LAT2: variants seen among roughly 807,000 people sequenced by gnomAD.
The protein encoded by LAT2 is linker for activation of T cells family member 2, also known as linker for activation of T-cells family member 2.
A neutral mutation model predicts 43.4 loss-of-function variants in LAT2; 23 were observed. The observed-to-expected ratio is 0.53, with a 90% CI of 0.38 to 0.75. LAT2 has a LOEUF of 0.75. LAT2 is among the 30% of genes least tolerant of loss of function. The probability of loss-of-function intolerance (pLI) is 0.00; values close to 1 mark genes in which losing one functional copy is unlikely to be tolerated. For synonymous variants in LAT2, 128 were observed against 123.2 expected (o/e 1.04, Z -0.26); for missense variants, 284 against 310.2 (o/e 0.92, Z 0.64).
At chr7:74,211,037 C>T (rs1050392050) in intron 1 of LAT2, among the ~76,000 whole-genome samples, 1 of 152,146 alleles carries the variant, frequency 6.6e-6, no homozygotes, top group Non-Finnish European at 1.5e-5. Flanking sequence ...CCGAAGCCAG[C>T]TCTTGGCAAT....
chr7:74,214,040 G>GTGTA (rs1554713579), intron 1 of LAT2, among the ~76,000 whole-genome samples: 2 of 106,338 alleles, frequency 1.9e-5, no homozygotes, highest in African/African-American at 8.3e-5. Flanking sequence ...CCATATATAT[G>GTGTA]TATATATATA....
chr7:74,212,953 G>A (rs1303258986), intron 1 of LAT2, among the ~76,000 whole-genome samples: 2 of 152,136 alleles, frequency 1.3e-5, no homozygotes, highest in Admixed American at 1.3e-4. Flanking sequence ...GCTCAGGGCC[G>A]CATGGAGATT....
chr7:74,221,275 C>T (rs1267954473), intron 9 of LAT2, among the ~76,000 whole-genome samples: 1 of 151,962 alleles, frequency 6.6e-6, no homozygotes. Flanking sequence ...ATTAGCCAGG[C>T]ATGGTGGTGC....
In LAT2 at chr7:74,220,354, GGC is replaced by G; in HGVS notation, c.265+101_265+102del. On this transcript the variant is annotated intron_variant, in intron 7 of 13. Transcript: ENST00000460943. The surrounding 1 kb of genome is among the most constrained non-coding windows in gnomAD (Gnocchi z 4.5). Reference sequence around the variant, plus strand: ...AGGCGTCGTGCAGTGGGGGCTGCGGGGCCAGGCGAGGCCTCCCCAGGAGAGAC... The same window carrying G: ...AGGCGTCGTGCAGTGGGGGCTGCGGGCAGGCGAGGCCTCCCCAGGAGAGAC... 1 of 1,359,234 alleles carries G rather than the reference GGC, an allele frequency of 7.4e-7. No homozygotes were observed. Among genetic ancestry groups the G allele is most frequent in the Non-Finnish European group, 1.0e-6 (1 of 972,468 alleles). The allele number at this position is 1,359,234 out of a possible 1,614,324, so 84.2% of individuals were successfully genotyped here.
chr7:74,221,363 C>T (rs895334049), intron 9 of LAT2, among the ~76,000 whole-genome samples: 3 of 139,868 alleles, frequency 2.1e-5, no homozygotes, highest in Non-Finnish European at 3.0e-5. Flanking sequence ...TGCAGTGAGC[C>T]GAGATCATGC....
intron 13 of LAT2, among the ~76,000 whole-genome samples, chr7:74,227,300 C>A (rs916822224): frequency 2.0e-5 from 3 of 152,158 alleles, no homozygotes; most frequent in Admixed American, 1.3e-4. Flanking sequence ...CGGCTCACTG[C>A]AACCTCTGCC....
intron 4 of LAT2, among the ~76,000 whole-genome samples, chr7:74,218,842 A>G (rs1401058853): frequency 6.8e-6 from 1 of 147,456 alleles, no homozygotes; most frequent in Non-Finnish European, 1.5e-5. Context: ...GATTACAGGC[A>G]TGCGCCACCA....
intron 9 of LAT2, 23 bp from the exon 10 acceptor site, chr7:74,221,614 G>A: frequency 6.2e-7 from 1 of 1,610,408 alleles, no homozygotes; most frequent in Non-Finnish European, 8.5e-7. Context: ...TGAAACCTGT[G>A]TTGTATATGT....
chr7:74,224,309 C>T, intron 12 of LAT2, 112 bp downstream of exon 12: 1 of 1,148,874 alleles, frequency 8.7e-7, no homozygotes, highest in South Asian at 1.4e-5. Context: ...GCTAACCCCG[C>T]AGTGATGCCT....
At chr7:74,216,976 T>A in intron 4 of LAT2, 112 bp downstream of exon 4, 2 of 900,462 alleles carry the variant, frequency 2.2e-6, no homozygotes, top group Non-Finnish European at 3.6e-6. Flanking sequence ...ACCTCCTCCG[T>A]GCCAAGTTCT....
Position 74,214,805 on chromosome 7 carries a change from T to TTGTATTTTTTTTG in LAT2, c.-218-15_-218-3dup, listed in dbSNP as rs1801977774. ...TATATATATATATTTTTTTTTTTTT[T>TTGTATTTTTTTTG]TGTATTTTTTTTGTAGAGATGGAAT... On this transcript the variant is annotated splice_polypyrimidine_tract_variant and intron_variant, in intron 1 of 13. Transcript: ENST00000460943. 2 of 117,788 alleles carry TTGTATTTTTTTTG rather than the reference T, an allele frequency of 1.7e-5. No individual in the cohort carries two copies. Among genetic ancestry groups the TTGTATTTTTTTTG allele is most frequent in the African/African-American group, 3.6e-5 (1 of 27,716 alleles). The allele number at this position is 117,788 out of a possible 1,614,324, so 7.3% of individuals were successfully genotyped here.
rs142049024 is a variant in LAT2 at position 74,223,620 on chromosome 7, C to T, written c.389-104C>T. The T allele has an allele frequency of 2.8e-4, 301 of 1,093,272 alleles. 2 individuals are homozygous for T. The East Asian group carries it at 5.1e-3, about 19-fold the overall frequency. The allele number at this position is 1,093,272 out of a possible 1,614,324, so 67.7% of individuals were successfully genotyped here. On this transcript the variant is annotated intron_variant, in intron 10 of 13. Transcript: ENST00000460943. The stretch of plus-strand genomic sequence containing the variant: ...GGGGACCCAGAGGGCTAGGGCTTGG[C>T]GGAAGAGGTCCCCTGCAAAGGGAAG...
intron 9 of LAT2, 131 bp from the exon 10 acceptor site, chr7:74,221,506 C>A: frequency 1.9e-6 from 1 of 528,892 alleles, no homozygotes; most frequent in Non-Finnish European, 3.3e-6. Flanking sequence ...AGAGGAGATC[C>A]TGGCAGACCC....
chr7:74,224,285 C>A, intron 12 of LAT2, 88 bp downstream of exon 12: 1 of 1,390,122 alleles, frequency 7.2e-7, no homozygotes. Flanking sequence ...GTGGGCTTCC[C>A]TCCAGCCAGT....
chr7:74,223,948 A>G (rs1584226549), intron 11 of LAT2, 70 bp from the exon 12 acceptor site: 1 of 1,532,936 alleles, frequency 6.5e-7, no homozygotes, highest in East Asian at 2.3e-5. Context: ...CTATCCTCGG[A>G]GGCAGCTCTA....
chr7:74,215,980 G>C lies in LAT2; in HGVS notation c.5G>C (p.Ser2Thr). 1 of 1,614,126 alleles carries C rather than the reference G, an allele frequency of 6.2e-7. No individual in the cohort carries two copies. The highest frequency in any genetic ancestry group is 1.1e-5 in the South Asian group (1 of 91,088). The change falls in exon 3 of 14, where the codon AGC becomes ACC. Residue 2 changes from serine to threonine, a missense_variant. Transcript: ENST00000460943. M[S>T]SGTELLWPGA... is the part of the protein sequence containing the mutation. ...GAGGCAACACCAGGAGCCAACATGAGCTCGGGGACTGAACTGCTGTGGCCC... is the reference window on the plus strand; with the variant it reads ...GAGGCAACACCAGGAGCCAACATGACCTCGGGGACTGAACTGCTGTGGCCC...
intron 4 of LAT2, 52 bp downstream of exon 4, chr7:74,216,916 G>GA: frequency 1.3e-6 from 2 of 1,523,944 alleles, no homozygotes; most frequent in Non-Finnish European, 1.8e-6. Flanking sequence ...CCTGGGCATG[G>GA]ACGTCCTCAA....
At chr7:74,221,056 A>T (rs1037524189) in intron 9 of LAT2, among the ~76,000 whole-genome samples, 2 of 152,146 alleles carry the variant, frequency 1.3e-5, no homozygotes, top group Non-Finnish European at 2.9e-5. Flanking sequence ...GGACACCCAG[A>T]ATCCCTCGGG....
chr7:74,214,774 TAA>T (rs1554713974), intron 1 of LAT2, 46 bp from the exon 2 acceptor site: 570 of 20,844 alleles, frequency 0.027, 15 homozygotes, highest in African/African-American at 0.047. Context: ...CATATATATA[TAA>T]ATATATATAT....
Sources: allele counts gnomAD v4.1 joint callset (sites outside exome capture counted in the v4.1 genomes callset), GRCh38; gene constraint gnomAD v4.1.1; non-coding constraint Gnocchi (gnomAD v3.1); transcripts MANE v1.5; gene names NCBI Gene and HGNC (gene_info 2026-07-23, HGNC 2026-07-21).